PAWR: variants seen among roughly 807,000 people sequenced by gnomAD.
PAWR encodes PRKC apoptosis WT1 regulator protein.
PAWR carries 23 observed loss-of-function variants against 32.0 expected under a neutral mutation model. The ratio of observed to expected loss-of-function variants is 0.72; its 90% CI spans 0.52 to 1.02. The LOEUF is 1.02. Ranked by LOEUF, PAWR falls within the 50% of genes least tolerant of loss-of-function variation. The pLI is 0.00. For missense variants in PAWR, 457 were observed against 437.7 expected (o/e 1.04, Z -0.39); for synonymous variants, 226 against 187.1 (o/e 1.21, Z -1.70).
chr12:79,602,565 C>A (rs549943884), intron 4 of PAWR, among the ~76,000 whole-genome samples: 3 of 151,516 alleles, frequency 2.0e-5, no homozygotes, highest in South Asian at 4.2e-4. Flanking sequence ...TGGATAAGGG[C>A]AAGATGGGAA....
intron 2 of PAWR, among the ~76,000 whole-genome samples, chr12:79,624,977 C>T (rs1038199271): frequency 1.3e-5 from 2 of 152,036 alleles, no homozygotes; most frequent in African/African-American, 4.8e-5. Flanking sequence ...ATGAATATGT[C>T]AATTTGGCAG....
chr12:79,645,003 T>C (rs1485098757), intron 2 of PAWR, among the ~76,000 whole-genome samples: 1 of 148,714 alleles, frequency 6.7e-6, no homozygotes, highest in Admixed American at 6.7e-5. Flanking sequence ...CTCTGTAATG[T>C]AAAAAAGAAG....
chr12:79,598,955 T>G (rs1295557849), intron 4 of PAWR, among the ~76,000 whole-genome samples: 1 of 152,208 alleles, frequency 6.6e-6, no homozygotes, highest in Non-Finnish European at 1.5e-5. Flanking sequence ...CAGGCTGGCC[T>G]TGAGCTCCTG....
chr12:79,677,440 T>C (rs1383393757), intron 2 of PAWR, among the ~76,000 whole-genome samples: 1 of 151,992 alleles, frequency 6.6e-6, no homozygotes, highest in Non-Finnish European at 1.5e-5. Flanking sequence ...AAAAAAGTAA[T>C]AACATTTCTC....
chr12:79,668,248 T>C (rs1877708274), intron 2 of PAWR: 1 of 152,236 alleles, frequency 6.6e-6, no homozygotes, highest in Non-Finnish European at 1.5e-5. Flanking sequence ...AGAAAATGTA[T>C]TTCCTTAAGT....
At chr12:79,666,741 C>T (rs1381809434) in intron 2 of PAWR, among the ~76,000 whole-genome samples, 2 of 152,096 alleles carry the variant, frequency 1.3e-5, no homozygotes, top group Non-Finnish European at 2.9e-5. Context: ...ATGCAGTGGG[C>T]TTTTTTTCCA....
intron 2 of PAWR, 114 bp downstream of exon 2, chr12:79,689,615 C>A (rs1878867189): frequency 8.4e-7 from 1 of 1,186,172 alleles, no homozygotes; most frequent in Non-Finnish European, 1.2e-6. Context: ...GGTGAAGGGA[C>A]AAGTACGAGC....
intron 2 of PAWR, among the ~76,000 whole-genome samples, chr12:79,626,392 T>C (rs770457110): frequency 6.7e-6 from 1 of 148,932 alleles, no homozygotes; most frequent in Non-Finnish European, 1.5e-5. Flanking sequence ...CCTGAGTAGC[T>C]GGGACTACAG....
At chr12:79,640,897 A>G (rs1202776502) in intron 2 of PAWR, among the ~76,000 whole-genome samples, 1 of 152,196 alleles carries the variant, frequency 6.6e-6, no homozygotes, top group Non-Finnish European at 1.5e-5. Context: ...CTTGGATGAG[A>G]GCTTGTGAGT....
intron 4 of PAWR, among the ~76,000 whole-genome samples, chr12:79,598,548 C>T (rs1424741700): frequency 3.3e-5 from 5 of 152,108 alleles, no homozygotes; most frequent in Admixed American, 6.6e-5. Flanking sequence ...AGTGACTTCT[C>T]GTTTTAAAAA....
chr12:79,662,201 CAAAAAAAAAAAAA>C (rs57565065), intron 2 of PAWR, among the ~76,000 whole-genome samples: 29 of 45,712 alleles, frequency 6.3e-4, no homozygotes, highest in African/African-American at 1.9e-3. Context: ...AGACATCTCT[CAAAAAAAAAAAAA>C]AAAAAAAAAG....
intron 2 of PAWR, among the ~76,000 whole-genome samples, chr12:79,670,799 C>T (rs1236017180): frequency 1.3e-5 from 2 of 150,978 alleles, no homozygotes; most frequent in Non-Finnish European, 3.0e-5. Flanking sequence ...GATTTTAAAG[C>T]AAAACCTTAG....
chr12:79,646,165 C>T (rs11834585), intron 2 of PAWR, among the ~76,000 whole-genome samples: 2,856 of 152,122 alleles, frequency 0.019, 101 homozygotes, highest in African/African-American at 0.065. Flanking sequence ...GAGAAGCTCC[C>T]AAAGGCAAAG....
intron 3 of PAWR, among the ~76,000 whole-genome samples, chr12:79,615,770 T>C (rs1874699731): frequency 6.6e-6 from 1 of 152,100 alleles, no homozygotes; most frequent in Admixed American, 6.6e-5. Flanking sequence ...TACAGAAGTT[T>C]TTCCAGCTGG....
At chr12:79,682,476 A>T (rs549755036) in intron 2 of PAWR, among the ~76,000 whole-genome samples, 2 of 152,352 alleles carry the variant, frequency 1.3e-5, no homozygotes, top group Non-Finnish European at 2.9e-5. Context: ...ACTTAAAATA[A>T]ATGAGACTAT....
Position 79,652,887 on chromosome 12 carries a change from C to T in PAWR, c.517-31680G>A, listed in dbSNP as rs193134109. Among the ~76,000 whole-genome samples, 10 of 152,258 alleles carry T rather than the reference C, an allele frequency of 6.6e-5. No homozygotes were observed. The South Asian group carries it at 2.1e-3, about 32-fold the overall frequency. On this transcript the variant is annotated intron_variant, in intron 2 of 6. Transcript: ENST00000328827. ...AAAGTAATAAAATAATATAGAACTT[C>T]AATTCAATTAAAAATATAGTTTTCT...
intron 2 of PAWR, among the ~76,000 whole-genome samples, chr12:79,662,974 A>G (rs1207097296): frequency 6.6e-6 from 1 of 152,216 alleles, no homozygotes; most frequent in Non-Finnish European, 1.5e-5. Context: ...AGATATTTTG[A>G]GTAAATGCTT....
chr12:79,612,690 T>C (rs1383242342), intron 4 of PAWR, among the ~76,000 whole-genome samples: 1 of 152,198 alleles, frequency 6.6e-6, no homozygotes, highest in African/African-American at 2.4e-5. Context: ...GTAAAGCAAT[T>C]TGGACACAGT....
intron 2 of PAWR, among the ~76,000 whole-genome samples, chr12:79,626,163 TAAAAAAA>T (rs565157190): frequency 0.27 from 22,106 of 82,240 alleles, 5,868 homozygotes; most frequent in African/African-American, 0.65. Flanking sequence ...GACTCCATCT[TAAAAAAA>T]AAAAAAAAAA....
Sources: gnomAD v4.1 joint callset for allele counts (sites outside exome capture counted in the v4.1 genomes callset) on GRCh38, gnomAD v4.1.1 for gene constraint, MANE v1.5 for transcripts, NCBI Gene and HGNC (gene_info 2026-07-23, HGNC 2026-07-21) for gene names.